HYKK: variants seen among roughly 807,000 people sequenced by gnomAD.
HYKK encodes 5-hydroxy-L-lysine kinase.
Under a neutral mutation model 29.7 loss-of-function variants are expected in HYKK, and 19 were observed. That is an observed-to-expected ratio of 0.64 (90% CI 0.45 to 0.94). HYKK has a LOEUF of 0.94. HYKK is among the 40% of genes least tolerant of loss of function. HYKK has a pLI of 0.00. For missense variants in HYKK, 390 were observed against 443.4 expected (o/e 0.88, Z 1.08); for synonymous variants, 152 against 158.1 (o/e 0.96, Z 0.29).
At chr15:78,532,343 A>G (rs2052320614) in intron 4 of HYKK, among the ~76,000 whole-genome samples, 1 of 151,776 alleles carries the variant, frequency 6.6e-6, no homozygotes, top group South Asian at 2.1e-4. Context: ...AACACTCTCA[A>G]CTCTGTTCTT....
chr15:78,508,211 T>G (rs1181623976), intron 1 of HYKK, among the ~76,000 whole-genome samples: 2 of 152,190 alleles, frequency 1.3e-5, no homozygotes, highest in Non-Finnish European at 2.9e-5. Context: ...CATGATCCCC[T>G]TGGGGTTGAA....
chr15:78,529,167 A>G (rs1014437373), intron 4 of HYKK, among the ~76,000 whole-genome samples: 3 of 152,302 alleles, frequency 2.0e-5, no homozygotes, highest in South Asian at 2.1e-4. Flanking sequence ...CCTCTCTACC[A>G]TATATATTCA....
intron 3 of HYKK, among the ~76,000 whole-genome samples, chr15:78,515,637 G>A (rs2052124578): frequency 6.6e-6 from 1 of 150,682 alleles, no homozygotes; most frequent in African/African-American, 2.4e-5. Context: ...CGTCCAGGCT[G>A]GAGTGCAGTG....
chr15:78,509,094 A>C (rs940449530), intron 1 of HYKK, among the ~76,000 whole-genome samples: 6 of 152,118 alleles, frequency 3.9e-5, no homozygotes, highest in Non-Finnish European at 7.4e-5. Flanking sequence ...CATTTGGTTA[A>C]GACAGACATG....
At chr15:78,532,821 A>G (rs943409898) in intron 4 of HYKK, among the ~76,000 whole-genome samples, 1 of 152,030 alleles carries the variant, frequency 6.6e-6, no homozygotes, top group Non-Finnish European at 1.5e-5. Flanking sequence ...AATAAAATAA[A>G]ATCCTAGATG....
Position 78,533,902 on chromosome 15 carries a change from G to A in HYKK, c.*232G>A. 2 of 542,584 alleles carry A rather than the reference G, an allele frequency of 3.7e-6. No homozygotes were observed. The highest frequency in any genetic ancestry group is 6.5e-6 in the Non-Finnish European group (2 of 307,102). 33.6% of individuals were successfully genotyped at this position (542,584 alleles called of 1,614,324 possible). ...GCATATTTTTCTGTGAGTCTTACTT[G>A]CCATATCTATAAAACACATATAATG... is the stretch of plus-strand genomic sequence containing the variant. On this transcript the variant is annotated 3_prime_UTR_variant, in exon 5 of 5. Transcript: ENST00000388988.
rs762858474 is a variant in HYKK at position 78,533,376 on chromosome 15, G to T, written c.828G>T (p.Glu276Asp). 6.2e-7 allele frequency: 1 copy of T among 1,614,212 alleles called. No homozygotes were observed. The highest frequency in any genetic ancestry group is 8.5e-7 in the Non-Finnish European group (1 of 1,180,046). ...VAITIMYMMI[E>D]SKSPIQVGGH... ...TTACCATCATGTACATGATGATTGA[G>T]AGCAAGAGTCCTATACAAGTAGGAG... Residue 276 changes from glutamate (E) to aspartate (D), a missense_variant, in exon 5 of 5, where the codon GAG (glutamate) becomes GAT (aspartate). Transcript: ENST00000388988.
intron 4 of HYKK, chr15:78,528,404 C>G: frequency 1.0e-6 from 1 of 985,250 alleles, no homozygotes; most frequent in South Asian, 4.7e-5. Flanking sequence ...TTGGGAACTA[C>G]TGCTCTAGTA....
chr15:78,533,489 GTCAGT>G lies in HYKK; in HGVS notation c.942_946del (p.Gln315ThrfsTer34). 2 of 1,488,308 alleles carry G rather than the reference GTCAGT, an allele frequency of 1.3e-6. No individual in the cohort carries two copies. Among genetic ancestry groups the G allele is most frequent in the South Asian group, 2.3e-5 (2 of 88,678 alleles). 92.2% of individuals were successfully genotyped at this position (1,488,308 alleles called of 1,614,324 possible). A position where few individuals can be genotyped will look rare whatever the true frequency, so the allele number is the denominator to read the frequency against. On this transcript the variant is annotated frameshift_variant, in exon 5 of 5. Transcript: ENST00000388988. LOFTEE classifies it high-confidence loss of function. ...TTTTTACTTGTATGCAGTCGTTTTTGTCAGTCACTTGTCATGGCTGCATACTCTTG... is the reference window on the plus strand; with the variant it reads ...TTTTTACTTGTATGCAGTCGTTTTTGCACTTGTCATGGCTGCATACTCTTG...
chr15:78,529,999 G>C (rs2052294759), intron 4 of HYKK, among the ~76,000 whole-genome samples: 1 of 151,112 alleles, frequency 6.6e-6, no homozygotes, highest in Non-Finnish European at 1.5e-5. Flanking sequence ...ATCATGCCTG[G>C]TGAATATTTT....
At position 78,527,493 on chromosome 15, in the gene HYKK, A is replaced by C. The variant is rs770246363; in HGVS notation, c.591A>C (p.Arg197=). 3.1e-6 allele frequency: 5 copies of C among 1,614,182 alleles called. No homozygotes were observed. The highest frequency in any genetic ancestry group is 4.2e-6 in the Non-Finnish European group (5 of 1,180,024). The change falls in exon 4 of 5, where the codon CGA becomes CGC. Residue 197 remains arginine (R), a synonymous_variant. Transcript: ENST00000388988. ...YLYALGQNRN[R]EIVEHVIHLF... is the part of the protein sequence containing the mutation. ...ATGCCCTGGGCCAGAATCGAAACCG[A>C]GAGATTGTTGAGCATGTCATTCATC...
Position 78,534,998 on chromosome 15 carries a change from C to T in HYKK, c.*1328C>T, listed in dbSNP as rs1285561328. Reference sequence around the variant, plus strand: ...ACGGTATCCCACTGTGTTTCCTTCACTGGTTTCTCGTCATGTCTCCTTTAG... The same window carrying T: ...ACGGTATCCCACTGTGTTTCCTTCATTGGTTTCTCGTCATGTCTCCTTTAG... On this transcript the variant is annotated 3_prime_UTR_variant, in exon 5 of 5. Transcript: ENST00000388988. 2.0e-5 allele frequency: 3 copies of T among 152,230 alleles called. No homozygotes were observed. In the East Asian group the frequency reaches 5.8e-4, roughly 29 times the overall value. 9.4% of individuals were successfully genotyped at this position (152,230 alleles called of 1,614,324 possible).
intron 3 of HYKK, among the ~76,000 whole-genome samples, chr15:78,523,369 G>T (rs1168268167): frequency 6.6e-6 from 1 of 152,120 alleles, no homozygotes; most frequent in Non-Finnish European, 1.5e-5. Context: ...CACACTCACT[G>T]TCATGAGAGC....
At chr15:78,521,536 A>G (rs926403805) in intron 3 of HYKK, among the ~76,000 whole-genome samples, 2 of 152,042 alleles carry the variant, frequency 1.3e-5, no homozygotes, top group African/African-American at 4.8e-5. Context: ...GGGCTAAGAT[A>G]GGCTAATAGA....
chr15:78,524,145 T>C (rs1410237072), intron 3 of HYKK, among the ~76,000 whole-genome samples: 1 of 152,244 alleles, frequency 6.6e-6, no homozygotes, highest in Non-Finnish European at 1.5e-5. Context: ...ACTGCCCTAG[T>C]AGAGTTTCTC....
At chr15:78,519,919 G>A (rs908187828) in intron 3 of HYKK, among the ~76,000 whole-genome samples, 23 of 152,160 alleles carry the variant, frequency 1.5e-4, no homozygotes, top group African/African-American at 5.1e-4. Flanking sequence ...CGCCCTATCT[G>A]TGGGCTTCAT....
At chr15:78,520,327 G>A (rs2052179135) in intron 3 of HYKK, among the ~76,000 whole-genome samples, 1 of 151,974 alleles carries the variant, frequency 6.6e-6, no homozygotes, top group Non-Finnish European at 1.5e-5. Context: ...TGGAGGGAAG[G>A]TCAGCAGATA....
chr15:78,535,577 C>T lies in HYKK; in HGVS notation c.*1907C>T, dbSNP rs2052355226. 6.6e-6 allele frequency: 1 copy of T among 152,090 alleles called. No homozygotes were observed. The highest frequency in any genetic ancestry group is 6.5e-5 in the Admixed American group (1 of 15,272). The allele number at this position is 152,090 out of a possible 1,614,324, so 9.4% of individuals were successfully genotyped here. A position where few individuals can be genotyped will look rare whatever the true frequency, so the allele number is the denominator to read the frequency against. On this transcript the variant is annotated 3_prime_UTR_variant, in exon 5 of 5. Coordinates refer to ENST00000388988, the MANE Select transcript of HYKK (RefSeq NM_001013619.4). ...AGTAACTATTTACTCAATAAATGAA[C>T]CATATTCCAGGTTACCCAAACTCAA...
chr15:78,512,983 A>G, intron 1 of HYKK, 101 bp from the exon 2 acceptor site: 2 of 657,384 alleles, frequency 3.0e-6, no homozygotes, highest in Non-Finnish European at 2.7e-6. Context: ...AAAGAAGTAC[A>G]GAATCAACAG....
Sources: gnomAD v4.1 joint callset for allele counts (sites outside exome capture counted in the v4.1 genomes callset) on GRCh38, gnomAD v4.1.1 for gene constraint, MANE v1.5 for transcripts, NCBI Gene and HGNC (gene_info 2026-07-23, HGNC 2026-07-21) for gene names.